The following PCDHA10 variants were observed in gnomAD, a reference collection of about 807,000 sequenced individuals.
PCDHA10 encodes protocadherin alpha-10.
In PCDHA10, 45 loss-of-function variants were observed where a neutral mutation model predicts 61.2. The observed-to-expected ratio is 0.74, with a 90% CI of 0.58 to 0.94. The LOEUF is 0.94. Among genes scored for constraint, PCDHA10 ranks in the 40% least tolerant of loss-of-function variants. PCDHA10 has a pLI of 0.00. For synonymous variants in PCDHA10, 602 were observed against 548.8 expected (o/e 1.10, Z -1.35); for missense variants, 1,278 against 1,236.2 (o/e 1.03, Z -0.51).
At chr5:140,876,165 C>G in intron 1 of PCDHA10, 17 of 1,613,944 alleles carry the variant, frequency 1.1e-5, no homozygotes, top group Non-Finnish European at 1.4e-5. Flanking sequence ...TTCAAATAAC[C>G]GTCCTGGATG....
intron 1 of PCDHA10, among the ~76,000 whole-genome samples, chr5:140,908,870 T>C (rs1221082339): frequency 6.6e-6 from 1 of 152,136 alleles, no homozygotes; most frequent in Non-Finnish European, 1.5e-5. Flanking sequence ...ATGTGTTGCC[T>C]CCAAAATCCA....
chr5:140,951,210 G>C (rs541010152), intron 1 of PCDHA10, among the ~76,000 whole-genome samples: 4 of 151,862 alleles, frequency 2.6e-5, no homozygotes, highest in African/African-American at 9.7e-5. Flanking sequence ...TGTCATCTCA[G>C]GTTTGGATTC....
intron 1 of PCDHA10, among the ~76,000 whole-genome samples, chr5:140,888,737 A>T (rs1468383652): frequency 6.6e-6 from 1 of 152,036 alleles, no homozygotes; most frequent in Non-Finnish European, 1.5e-5. Context: ...TGTGAGCTCT[A>T]GGAATTATTC....
chr5:140,946,609 G>GAA, intron 1 of PCDHA10, among the ~76,000 whole-genome samples: 1 of 68,674 alleles, frequency 1.5e-5, no homozygotes, highest in Non-Finnish European at 2.7e-5. Flanking sequence ...AAGAAAATGT[G>GAA]AAATATATAT....
intron 1 of PCDHA10, chr5:140,967,903 A>C: frequency 6.2e-7 from 1 of 1,614,112 alleles, no homozygotes; most frequent in Non-Finnish European, 8.5e-7. Flanking sequence ...AGAATGCTAC[A>C]CCCAACACCA....
At chr5:140,900,438 C>G (rs573115268) in intron 1 of PCDHA10, among the ~76,000 whole-genome samples, 1 of 152,116 alleles carries the variant, frequency 6.6e-6, no homozygotes, top group East Asian at 1.9e-4. Context: ...CCACCACGGC[C>G]GGCTAATTTT....
intron 1 of PCDHA10, among the ~76,000 whole-genome samples, chr5:140,922,408 T>C (rs2080827805): frequency 6.6e-6 from 1 of 152,196 alleles, no homozygotes; most frequent in Non-Finnish European, 1.5e-5. Context: ...ATTAAAAAGA[T>C]CTAGGTACAG....
In PCDHA10 at chr5:140,856,346, G is replaced by T; in HGVS notation, c.298G>T (p.Glu100Ter). ...CGAGGAGCTGTGCGGGCGGAGCGTG[G>T]AGTGCAGCATCCACCTGGAGGTGAT... is the stretch of plus-strand genomic sequence containing the variant. ...DREELCGRSV[E>*]CSIHLEVIVD... Residue 100 changes from glutamate to a stop codon, truncating the protein, a stop_gained, in exon 1 of 4, where the codon GAG (glutamate) becomes TAG (stop). Transcript: ENST00000307360. LOFTEE classifies it high-confidence loss of function. 1 of 1,598,632 alleles carries T rather than the reference G, an allele frequency of 6.3e-7. No individual in the cohort carries two copies. The highest frequency in any genetic ancestry group is 8.6e-7 in the Non-Finnish European group (1 of 1,168,030).
At chr5:140,997,566 T>G (rs1366934494) in intron 3 of PCDHA10, among the ~76,000 whole-genome samples, 1 of 152,208 alleles carries the variant, frequency 6.6e-6, no homozygotes, top group Non-Finnish European at 1.5e-5. Context: ...AACTGTCATA[T>G]GTGTGGTCCG....
chr5:141,007,395 C>CAAAAAAA (rs35800918), intron 3 of PCDHA10, among the ~76,000 whole-genome samples: 1,149 of 94,062 alleles, frequency 0.012, no homozygotes, highest in African/African-American at 0.016. Flanking sequence ...TACTAAAATA[C>CAAAAAAA]AAAAAAAAAA....
chr5:140,985,389 C>T (rs1376347712), intron 3 of PCDHA10, among the ~76,000 whole-genome samples: 1 of 152,266 alleles, frequency 6.6e-6, no homozygotes, highest in African/African-American at 2.4e-5. Context: ...AATCCAGTCA[C>T]CCCAACTGTT....
intron 1 of PCDHA10, among the ~76,000 whole-genome samples, chr5:140,923,228 CCAGAA>C (rs2081257346): frequency 1.4e-5 from 1 of 71,808 alleles, no homozygotes; most frequent in Admixed American, 1.5e-4. Flanking sequence ...TCGTTTGAGC[CCAGAA>C]GTTTGAGACC....
At chr5:140,988,366 G>A (rs1384658783) in intron 3 of PCDHA10, among the ~76,000 whole-genome samples, 2 of 152,122 alleles carry the variant, frequency 1.3e-5, no homozygotes, top group Non-Finnish European at 2.9e-5. Flanking sequence ...TTACTTTCTG[G>A]GGTTGTGAAA....
Position 140,962,028 on chromosome 5 carries a change from C to A in PCDHA10, c.2389-16921C>A, listed in dbSNP as rs1046578713. Among the ~76,000 whole-genome samples the A allele has an allele frequency of 5.9e-5, 9 of 152,036 alleles. No individual in the cohort carries two copies. In the South Asian group the frequency reaches 1.7e-3, roughly 28 times the overall value. The stretch of plus-strand genomic sequence containing the variant: ...CTTCCCGAGTAGCTGGGACTACAGG[C>A]ACCCACCACCATGCCTGGCTAATTT... On this transcript the variant is annotated intron_variant, in intron 1 of 3. Transcript: ENST00000307360.
rs530563833 is a variant in PCDHA10, at chr5:140,894,957, T to A, written c.2388+36521T>A. Among the ~76,000 whole-genome samples, 18 of 152,324 alleles carry A rather than the reference T, an allele frequency of 1.2e-4. No individual in the cohort carries two copies. In the East Asian group the frequency reaches 3.3e-3, roughly 28 times the overall value. Reference sequence around the variant, plus strand: ...AGCTATTGTCATGAAATGATAAAAATATAATTTTTTAATGTCTTACTTTGT... The same window carrying A: ...AGCTATTGTCATGAAATGATAAAAAAATAATTTTTTAATGTCTTACTTTGT... On this transcript the variant is annotated intron_variant, in intron 1 of 3. Transcript: ENST00000307360.
Position 140,856,344 on chromosome 5 carries a change from T to C in PCDHA10, c.296T>C (p.Val99Ala), listed in dbSNP as rs782335067. 2.8e-5 allele frequency: 45 copies of C among 1,598,188 alleles called. 4 individuals are homozygous for C. The highest frequency in any genetic ancestry group is 1.5e-4 in the Admixed American group (9 of 59,260). The change falls in exon 1 of 4, where the codon GTG (valine) becomes GCG (alanine). Residue 99 changes from valine to alanine, a missense_variant. Transcript: ENST00000307360. ...IDREELCGRS[V>A]ECSIHLEVIV... is the part of the protein sequence containing the mutation. The stretch of plus-strand genomic sequence containing the variant: ...CGCGAGGAGCTGTGCGGGCGGAGCG[T>C]GGAGTGCAGCATCCACCTGGAGGTG...
intron 1 of PCDHA10, chr5:140,866,148 ATAAG>A (rs1375745548): frequency 1.4e-4 from 21 of 152,178 alleles, no homozygotes; most frequent in Admixed American, 1.3e-4. Context: ...TGGAAGTGAT[ATAAG>A]TAAGAATCGT....
chr5:140,906,804 C>T (rs1254520665), intron 1 of PCDHA10, among the ~76,000 whole-genome samples: 3 of 152,224 alleles, frequency 2.0e-5, no homozygotes, highest in Non-Finnish European at 4.4e-5. Context: ...CATACTCTTC[C>T]TTACCTCCAC....
At chr5:140,994,809 C>G (rs1366407347) in intron 3 of PCDHA10, among the ~76,000 whole-genome samples, 1 of 152,016 alleles carries the variant, frequency 6.6e-6, no homozygotes, top group Non-Finnish European at 1.5e-5. Flanking sequence ...AAACAAAATA[C>G]AAAAAACTGA....
Sources: allele counts gnomAD v4.1 joint callset (sites outside exome capture counted in the v4.1 genomes callset), GRCh38; gene constraint gnomAD v4.1.1; transcripts MANE v1.5; gene names NCBI Gene and HGNC (gene_info 2026-07-23, HGNC 2026-07-21).